Variants in ACTN1 observed in about 807,000 individuals in gnomAD.
ACTN1 encodes actinin alpha 1, also known as alpha-actinin-1.
Under a neutral mutation model 119.6 loss-of-function variants are expected in ACTN1, and 30 were observed. That is an observed-to-expected ratio of 0.25 (90% CI 0.19 to 0.34). The LOEUF is 0.34. Ranked by LOEUF, ACTN1 falls within the 10% of genes least tolerant of loss-of-function variation. The pLI is 1.00. For missense variants in ACTN1, 764 were observed against 1,223.4 expected (o/e 0.62, Z 5.60); for synonymous variants, 429 against 472.6 (o/e 0.91, Z 1.20).
chr14:68,961,432 T>A (rs1047791994), intron 1 of ACTN1, among the ~76,000 whole-genome samples: 2 of 152,178 alleles, frequency 1.3e-5, no homozygotes, highest in South Asian at 4.1e-4. Flanking sequence ...CCCTAACTTA[T>A]CTATCTTCTC....
chr14:68,929,568 T>C (rs944913824), intron 1 of ACTN1, among the ~76,000 whole-genome samples: 3 of 152,066 alleles, frequency 2.0e-5, no homozygotes, highest in African/African-American at 4.8e-5. Context: ...ACAAAGGAGA[T>C]CCGGGATGGC....
chr14:68,955,780 G>A (rs2036333954), intron 1 of ACTN1, among the ~76,000 whole-genome samples: 1 of 152,218 alleles, frequency 6.6e-6, no homozygotes, highest in Admixed American at 6.5e-5. Context: ...AAGCAGCCTT[G>A]CAGAGAGCCA....
rs1425378446 is a variant in ACTN1, at chr14:68,892,043, C to G, written c.1086+10G>C. 1.2e-6 allele frequency: 2 copies of G among 1,612,744 alleles called. No individual in the cohort carries two copies. ...CAGTCTGGGGGCCCAGGCTCACCCC[C>G]AGTGCTCACCGAGACCATCCTGCCC... is the stretch of plus-strand genomic sequence containing the variant. On this transcript the variant is annotated intron_variant, in intron 10 of 21. Coordinates refer to ENST00000394419, the MANE Select transcript of ACTN1 (RefSeq NM_001130004.2).
intron 1 of ACTN1, among the ~76,000 whole-genome samples, chr14:68,931,132 G>C (rs2035204852): frequency 6.6e-6 from 1 of 152,240 alleles, no homozygotes; most frequent in African/African-American, 2.4e-5. Context: ...GCAGAACCAA[G>C]GCTGAGATTC....
At chr14:68,905,326 GT>G (rs1285309071) in intron 6 of ACTN1, among the ~76,000 whole-genome samples, 1 of 152,226 alleles carries the variant, frequency 6.6e-6, no homozygotes, top group Non-Finnish European at 1.5e-5. Flanking sequence ...TTGAGAAGCT[GT>G]AATCCTTGTG....
intron 8 of ACTN1, among the ~76,000 whole-genome samples, chr14:68,901,275 T>A (rs1566617083): frequency 7.3e-6 from 1 of 137,158 alleles, no homozygotes; most frequent in Admixed American, 8.0e-5. Context: ...TGAGACAGAG[T>A]CTGACTCTGT....
At chr14:68,875,873 A>C (rs1403286622) in intron 21 of ACTN1, among the ~76,000 whole-genome samples, 1 of 152,262 alleles carries the variant, frequency 6.6e-6, no homozygotes, top group Admixed American at 6.5e-5. Context: ...GATGCAAATA[A>C]CGTTGTTCTT....
At chr14:68,944,410 C>G (rs2035863162) in intron 1 of ACTN1, among the ~76,000 whole-genome samples, 1 of 152,230 alleles carries the variant, frequency 6.6e-6, no homozygotes, top group African/African-American at 2.4e-5. Flanking sequence ...TGCCAGACAG[C>G]TGCAGCCAGA....
At chr14:68,916,848 C>T (rs2034323174) in intron 3 of ACTN1, among the ~76,000 whole-genome samples, 1 of 152,168 alleles carries the variant, frequency 6.6e-6, no homozygotes, top group Non-Finnish European at 1.5e-5. Context: ...CTCCCTCCTT[C>T]TCTCTCCAGG....
chr14:68,918,242 G>C (rs1323530740), intron 3 of ACTN1, among the ~76,000 whole-genome samples: 1 of 152,172 alleles, frequency 6.6e-6, no homozygotes, highest in Non-Finnish European at 1.5e-5. Context: ...GGCCAGCATG[G>C]CAGGGGCAGG....
At chr14:68,883,520 C>G (rs2031739351) in intron 14 of ACTN1, 1 of 154,604 alleles carries the variant, frequency 6.5e-6, no homozygotes, top group South Asian at 2.0e-4. Flanking sequence ...GCCTGTAATC[C>G]CAGCACTTTG....
intron 1 of ACTN1, among the ~76,000 whole-genome samples, chr14:68,952,995 G>T (rs567136057): frequency 6.6e-6 from 1 of 152,178 alleles, no homozygotes; most frequent in East Asian, 1.9e-4. Context: ...AGGGTCGGGG[G>T]GATGATTTCC....
intron 14 of ACTN1, chr14:68,883,382 CA>C (rs989349913): frequency 3.5e-6 from 1 of 286,480 alleles, no homozygotes; most frequent in African/African-American, 2.1e-5. Flanking sequence ...TAGCTCCTGG[CA>C]AAACCTTTTA....
chr14:68,897,949 T>C (rs1038805919), intron 8 of ACTN1, among the ~76,000 whole-genome samples: 4 of 152,238 alleles, frequency 2.6e-5, no homozygotes, highest in Admixed American at 6.5e-5. Flanking sequence ...GTCACCTCCC[T>C]CCACAACACT....
chr14:68,918,592 A>G (rs1329478794), intron 3 of ACTN1, among the ~76,000 whole-genome samples: 1 of 147,460 alleles, frequency 6.8e-6, no homozygotes, highest in Non-Finnish European at 1.5e-5. Context: ...CTCAAAAAAA[A>G]AAAAAGAAGT....
At chr14:68,883,823 T>A (rs569123107) in intron 14 of ACTN1, among the ~76,000 whole-genome samples, 1 of 152,140 alleles carries the variant, frequency 6.6e-6, no homozygotes, top group East Asian at 1.9e-4. Flanking sequence ...ATATGGTATA[T>A]AATAAAAGGT....
At chr14:68,884,958 T>C in intron 12 of ACTN1, 75 bp from the exon 13 acceptor site, 1 of 1,283,898 alleles carries the variant, frequency 7.8e-7, no homozygotes. Flanking sequence ...TCTGAGGCTG[T>C]CAGTGGGGTG....
intron 9 of ACTN1, among the ~76,000 whole-genome samples, chr14:68,892,648 T>C (rs1456795501): frequency 1.3e-5 from 2 of 152,194 alleles, no homozygotes; most frequent in Non-Finnish European, 2.9e-5. Flanking sequence ...AGTTTCCTCA[T>C]CTATACCATG....
At chr14:68,936,956 T>C (rs970451827) in intron 1 of ACTN1, 18 of 476,556 alleles carry the variant, frequency 3.8e-5, no homozygotes, top group Non-Finnish European at 5.4e-5. Flanking sequence ...GAGGAAAAGA[T>C]TGCTATTGTA....
Sources: gnomAD v4.1 joint callset for allele counts (sites outside exome capture counted in the v4.1 genomes callset) on GRCh38, gnomAD v4.1.1 for gene constraint, MANE v1.5 for transcripts, NCBI Gene and HGNC (gene_info 2026-07-23, HGNC 2026-07-21) for gene names.